The following ADAM12 variants were observed in gnomAD, a reference collection of about 807,000 sequenced individuals.
ADAM12 encodes the protein ADAM metallopeptidase domain 12.
Under a neutral mutation model 106.4 loss-of-function variants are expected in ADAM12, and 70 were observed. The observed-to-expected ratio is 0.66, with a 90% CI of 0.54 to 0.80. ADAM12 has a LOEUF of 0.80. Ranked by LOEUF, ADAM12 falls within the 30% of genes least tolerant of loss-of-function variation. The probability of loss-of-function intolerance (pLI) is 0.00; values close to 1 mark genes in which losing one functional copy is unlikely to be tolerated. For missense variants in ADAM12, 1,010 were observed against 1,171.9 expected (o/e 0.86, Z 2.02); for synonymous variants, 420 against 433.5 (o/e 0.97, Z 0.39).
At chr10:126,338,407 T>C (rs995206874) in intron 1 of ADAM12, among the ~76,000 whole-genome samples, 7 of 151,260 alleles carry the variant, frequency 4.6e-5, no homozygotes, top group South Asian at 2.1e-4. Context: ...CGCCCGCCAC[T>C]ACGCCCGGCT....
chr10:126,344,951 C>T lies in ADAM12; in HGVS notation c.89-14442G>A, dbSNP rs543922062. On this transcript the variant is annotated intron_variant, in intron 1 of 22. Transcript: ENST00000448723. ...GAGACGATGGGGTTTTCTAAATATA[C>T]AATCATATCATCTGCAAACAGGGAC... Among the ~76,000 whole-genome samples the T allele has an allele frequency of 4.3e-3, 653 of 152,280 alleles. 1 individual carries two copies. Among genetic ancestry groups the T allele is most frequent in the Non-Finnish European group, 6.7e-3 (459 of 68,026 alleles).
At chr10:126,127,693 A>G (rs185699493) in intron 5 of ADAM12, among the ~76,000 whole-genome samples, 1 of 152,364 alleles carries the variant, frequency 6.6e-6, no homozygotes, top group Non-Finnish European at 1.5e-5. Flanking sequence ...ACGTAAACAC[A>G]TATTTACAAA....
Position 126,066,998 on chromosome 10 carries a change from G to C in ADAM12, c.1324-192C>G, listed in dbSNP as rs1254032678. ...CTTTTTATGAACCAACTGGGTCTAC[G>C]AGTCCCTGGAAAAAGCCAGTAGCAC... On this transcript the variant is annotated intron_variant, in intron 12 of 22. Coordinates refer to ENST00000448723, the MANE Select transcript of ADAM12 (RefSeq NM_001288973.2). The surrounding 1 kb of genome is among the most constrained non-coding windows in gnomAD (Gnocchi z 5.1). The C allele has an allele frequency of 9.0e-6, 5 of 558,514 alleles. No individual in the cohort carries two copies. The highest frequency in any genetic ancestry group is 1.6e-5 in the Non-Finnish European group (5 of 309,134). 34.6% of individuals were successfully genotyped at this position (558,514 alleles called of 1,614,324 possible).
At chr10:126,171,498 T>A (rs12777779) in intron 3 of ADAM12, among the ~76,000 whole-genome samples, 1 of 152,206 alleles carries the variant, frequency 6.6e-6, no homozygotes, top group Non-Finnish European at 1.5e-5. Flanking sequence ...CTTACTTGGA[T>A]TGCATTTTTA....
intron 5 of ADAM12, among the ~76,000 whole-genome samples, chr10:126,121,131 C>CTATA (rs1554971961): frequency 4.9e-5 from 4 of 81,384 alleles, no homozygotes; most frequent in Non-Finnish European, 8.5e-5. Flanking sequence ...AGTATATATA[C>CTATA]TATATACTAT....
At chr10:126,019,267 CTG>C (rs1337511766) in intron 22 of ADAM12, among the ~76,000 whole-genome samples, 1 of 152,174 alleles carries the variant, frequency 6.6e-6, no homozygotes, top group Non-Finnish European at 1.5e-5. Context: ...ACCTACAGAA[CTG>C]TGAGCCAATT....
At chr10:126,041,097 C>A (rs373867985) in intron 18 of ADAM12, among the ~76,000 whole-genome samples, 11 of 152,206 alleles carry the variant, frequency 7.2e-5, no homozygotes, top group African/African-American at 2.4e-4. Context: ...TGACAACCCC[C>A]TGCCGCTCTG....
chr10:126,370,018 A>T (rs1197336289), intron 1 of ADAM12, among the ~76,000 whole-genome samples: 2 of 152,188 alleles, frequency 1.3e-5, no homozygotes, highest in Non-Finnish European at 2.9e-5. Context: ...TATTGGAGAG[A>T]ATACTGATTA....
At chr10:126,220,787 A>G (rs73382641) in intron 3 of ADAM12, among the ~76,000 whole-genome samples, 3,979 of 152,308 alleles carry the variant, frequency 0.026, 140 homozygotes, top group African/African-American at 0.085. Flanking sequence ...ATTGTCACCT[A>G]TTAGGAGCCG....
chr10:126,049,723 T>C lies in ADAM12; in HGVS notation c.1610-54A>G, dbSNP rs1309891848. On this transcript the variant is annotated intron_variant, in intron 14 of 22. Coordinates refer to ENST00000448723, the MANE Select transcript of ADAM12 (RefSeq NM_001288973.2). The surrounding 1 kb of genome is among the most constrained non-coding windows in gnomAD (Gnocchi z 4.4). ...TCTCCTGCAGGTGATTTTTTTTTTT[T>C]CATGGCTGTAGGCCTCTCAAATGGT... 7.2e-7 allele frequency: 1 copy of C among 1,393,462 alleles called. No homozygotes were observed. Among genetic ancestry groups the C allele is most frequent in the Non-Finnish European group, 1.0e-6 (1 of 994,860 alleles). 86.3% of individuals were successfully genotyped at this position (1,393,462 alleles called of 1,614,324 possible).
At chr10:126,105,931 C>T (rs1955757906) in intron 8 of ADAM12, among the ~76,000 whole-genome samples, 1 of 152,194 alleles carries the variant, frequency 6.6e-6, no homozygotes, top group African/African-American at 2.4e-5. Context: ...CAATATCATC[C>T]CAGGATATCA....
chr10:126,324,332 C>T (rs11599463), intron 2 of ADAM12, among the ~76,000 whole-genome samples: 3,415 of 152,276 alleles, frequency 0.022, 54 homozygotes, highest in Non-Finnish European at 0.034. Flanking sequence ...GGGGACAGAA[C>T]ATAGTGCAAG....
chr10:126,094,514 A>G (rs1955521493), intron 10 of ADAM12, among the ~76,000 whole-genome samples: 1 of 152,214 alleles, frequency 6.6e-6, no homozygotes, highest in African/African-American at 2.4e-5. Flanking sequence ...TTCATGGGCC[A>G]TAGAAGTATC....
intron 3 of ADAM12, among the ~76,000 whole-genome samples, chr10:126,221,002 T>C (rs945771070): frequency 1.3e-5 from 2 of 152,162 alleles, no homozygotes; most frequent in Non-Finnish European, 2.9e-5. Flanking sequence ...CTCCACATCA[T>C]TGGGGCACTT....
chr10:126,223,327 C>T (rs1431239015), intron 3 of ADAM12, among the ~76,000 whole-genome samples: 3 of 152,198 alleles, frequency 2.0e-5, no homozygotes, highest in Non-Finnish European at 2.9e-5. Flanking sequence ...CTGTCACATT[C>T]TTCTGCTCCC....
chr10:126,156,177 G>A (rs1674918), intron 3 of ADAM12, among the ~76,000 whole-genome samples: 66,024 of 151,976 alleles, frequency 0.43, 14,930 homozygotes, highest in East Asian at 0.77. Context: ...GACACCACGA[G>A]CTGGTAGGGT....
intron 3 of ADAM12, among the ~76,000 whole-genome samples, chr10:126,187,580 A>G (rs1287799930): frequency 6.6e-6 from 1 of 152,010 alleles, no homozygotes; most frequent in Non-Finnish European, 1.5e-5. Flanking sequence ...TGGAAACTCC[A>G]CCCCTGGGGC....
intron 1 of ADAM12, among the ~76,000 whole-genome samples, chr10:126,373,388 A>G (rs550641850): frequency 6.6e-6 from 1 of 152,282 alleles, no homozygotes; most frequent in East Asian, 1.9e-4. Context: ...TCATTAGCAC[A>G]TCTCACCCCT....
At chr10:126,232,695 A>C (rs1958335881) in intron 3 of ADAM12, among the ~76,000 whole-genome samples, 1 of 152,190 alleles carries the variant, frequency 6.6e-6, no homozygotes. Context: ...TAGATATCCA[A>C]TAAATACATG....
Sources: gnomAD v4.1 joint callset for allele counts (sites outside exome capture counted in the v4.1 genomes callset) on GRCh38, gnomAD v4.1.1 for gene constraint, Gnocchi (gnomAD v3.1) non-coding constraint, MANE v1.5 for transcripts, NCBI Gene and HGNC (gene_info 2026-07-23, HGNC 2026-07-21) for gene names.